Variants in CAMKMT observed in about 807,000 individuals in gnomAD.
CAMKMT encodes the protein CaM KMT.
Under a neutral mutation model 48.0 loss-of-function variants are expected in CAMKMT, and 53 were observed. That is an observed-to-expected ratio of 1.10 (90% confidence interval 0.89 to 1.39). The LOEUF is 1.39. CAMKMT is among the 40% of genes most tolerant of loss of function. The pLI is 0.00. For synonymous variants in CAMKMT, 165 were observed against 152.3 expected (o/e 1.08, Z -0.61); for missense variants, 428 against 402.7 (o/e 1.06, Z -0.54).
At chr2:44,739,265 T>C (rs1036199985) in intron 7 of CAMKMT, among the ~76,000 whole-genome samples, 21 of 152,078 alleles carry the variant, frequency 1.4e-4, no homozygotes, top group African/African-American at 4.1e-4. Context: ...AGATGAGAGA[T>C]GATAGTAGTT....
chr2:44,362,188 C>G (rs1467083535), intron 1 of CAMKMT, 43 bp downstream of exon 1: 1 of 1,404,540 alleles, frequency 7.1e-7, no homozygotes, highest in Non-Finnish European at 9.3e-7. Context: ...TCTGGTCACT[C>G]CTCTCTCACG....
At chr2:44,580,337 T>C (rs1417656099) in intron 3 of CAMKMT, among the ~76,000 whole-genome samples, 1 of 152,042 alleles carries the variant, frequency 6.6e-6, no homozygotes, top group African/African-American at 2.4e-5. Context: ...CCTATACTTA[T>C]GACTGCACTA....
chr2:44,401,447 T>C (rs1335317980), intron 3 of CAMKMT, among the ~76,000 whole-genome samples: 1 of 151,920 alleles, frequency 6.6e-6, no homozygotes, highest in Non-Finnish European at 1.5e-5. Context: ...GTCTTAGCTA[T>C]TCAAGAGGCT....
intron 3 of CAMKMT, among the ~76,000 whole-genome samples, chr2:44,554,799 C>T (rs1667919449): frequency 1.3e-5 from 2 of 152,026 alleles, no homozygotes; most frequent in Non-Finnish European, 2.9e-5. Flanking sequence ...TCGCTTGAGC[C>T]CAGGAGGTCA....
At chr2:44,683,827 A>AAAG (rs1676172033) in intron 3 of CAMKMT, among the ~76,000 whole-genome samples, 1 of 144,628 alleles carries the variant, frequency 6.9e-6, no homozygotes, top group Non-Finnish European at 1.5e-5. Flanking sequence ...TGTCTCAAAA[A>AAAG]AAAAAAAAAA....
intron 4 of CAMKMT, 82 bp from the exon 5 acceptor site, chr2:44,706,205 A>G: frequency 4.2e-6 from 6 of 1,441,808 alleles, no homozygotes; most frequent in Admixed American, 1.7e-5. Flanking sequence ...GCAGATGGCA[A>G]TTTGTTCTTG....
At chr2:44,709,343 A>G (rs1677743801) in intron 6 of CAMKMT, among the ~76,000 whole-genome samples, 1 of 152,180 alleles carries the variant, frequency 6.6e-6, no homozygotes, top group East Asian at 1.9e-4. Context: ...TCTTTTCAGG[A>G]TGCAGACCAA....
chr2:44,542,557 T>TC (rs1491355482), intron 3 of CAMKMT, among the ~76,000 whole-genome samples: 2,223 of 52,006 alleles, frequency 0.043, 36 homozygotes, highest in South Asian at 0.19. Flanking sequence ...TCTCTCTCTC[T>TC]TTCTCTCTCC....
chr2:44,549,001 T>A (rs748312363), intron 3 of CAMKMT, among the ~76,000 whole-genome samples: 3 of 152,196 alleles, frequency 2.0e-5, no homozygotes, highest in Non-Finnish European at 4.4e-5. Flanking sequence ...AAATTTCTGG[T>A]GATTTGTTAT....
chr2:44,428,643 T>C (rs1255300408), intron 3 of CAMKMT, among the ~76,000 whole-genome samples: 1 of 152,238 alleles, frequency 6.6e-6, no homozygotes, highest in African/African-American at 2.4e-5. Context: ...TCCAAGGTTT[T>C]TCTTGAATTT....
At chr2:44,756,256 G>T (rs2104392249) in intron 9 of CAMKMT, among the ~76,000 whole-genome samples, 1 of 152,318 alleles carries the variant, frequency 6.6e-6, no homozygotes, top group South Asian at 2.1e-4. Flanking sequence ...GTAGAAAACT[G>T]GACTTTTCTT....
intron 3 of CAMKMT, among the ~76,000 whole-genome samples, chr2:44,654,198 TC>T (rs1266319285): frequency 6.6e-6 from 1 of 152,160 alleles, no homozygotes; most frequent in African/African-American, 2.4e-5. Flanking sequence ...ATCTCAAACA[TC>T]AGATAACATT....
intron 3 of CAMKMT, among the ~76,000 whole-genome samples, chr2:44,565,066 G>C (rs571081317): frequency 6.6e-6 from 1 of 152,128 alleles, no homozygotes; most frequent in South Asian, 2.1e-4. Context: ...TTTCTACTGG[G>C]TTGAGGGTTC....
intron 3 of CAMKMT, among the ~76,000 whole-genome samples, chr2:44,502,598 A>G (rs955659305): frequency 2.0e-5 from 3 of 152,170 alleles, no homozygotes; most frequent in Admixed American, 1.3e-4. Flanking sequence ...TTAGCTTTTT[A>G]GAGGAGAACA....
rs1052553228 is a variant in CAMKMT at position 44,728,442 on chromosome 2, T to A, written c.623+13089T>A. 9.8e-5 allele frequency among the ~76,000 whole-genome samples: 15 copies of A among 152,300 alleles called. No homozygotes were observed. The East Asian group carries it at 2.7e-3, about 27-fold the overall frequency. ...GCTGATGCTGGCTTCATAGAATGAGTTAGGGAGGAGCCCCTCCTCCTCAAT... is the reference window on the plus strand; with the variant it reads ...GCTGATGCTGGCTTCATAGAATGAGATAGGGAGGAGCCCCTCCTCCTCAAT... On this transcript the variant is annotated intron_variant, in intron 7 of 10. Transcript: ENST00000378494.
chr2:44,474,950 G>T (rs1668610149), intron 3 of CAMKMT, among the ~76,000 whole-genome samples: 1 of 152,060 alleles, frequency 6.6e-6, no homozygotes, highest in Non-Finnish European at 1.5e-5. Context: ...TGAAAGACTG[G>T]CCAGACACAA....
chr2:44,448,332 G>A (rs1228037827), intron 3 of CAMKMT, among the ~76,000 whole-genome samples: 2 of 152,066 alleles, frequency 1.3e-5, no homozygotes, highest in Non-Finnish European at 2.9e-5. Context: ...TTGTTCAAGG[G>A]TCAGCTATCT....
At chr2:44,518,183 G>A (rs1670928159) in intron 3 of CAMKMT, among the ~76,000 whole-genome samples, 1 of 151,938 alleles carries the variant, frequency 6.6e-6, no homozygotes, top group East Asian at 1.9e-4. Context: ...AGAAAATTTA[G>A]TACTTTTTGG....
intron 3 of CAMKMT, among the ~76,000 whole-genome samples, chr2:44,602,145 A>G (rs1438023950): frequency 1.3e-5 from 2 of 152,112 alleles, no homozygotes; most frequent in Middle Eastern, 3.4e-3. Flanking sequence ...AGCTGGGACT[A>G]CAGGTGCACA....
Sources: allele counts gnomAD v4.1 joint callset (sites outside exome capture counted in the v4.1 genomes callset), GRCh38; gene constraint gnomAD v4.1.1; transcripts MANE v1.5; gene names NCBI Gene and HGNC (gene_info 2026-07-23, HGNC 2026-07-21).